ASAP2: variants seen among roughly 807,000 people sequenced by gnomAD.
ASAP2 encodes the protein ArfGAP with SH3 domain, ankyrin repeat and PH domain 2, also known as arf-GAP with SH3 domain, ANK repeat and PH domain-containing protein 2.
Under a neutral mutation model 131.4 loss-of-function variants are expected in ASAP2, and 45 were observed. The ratio of observed to expected loss-of-function variants is 0.34; its 90% confidence interval spans 0.27 to 0.44. The LOEUF (loss-of-function observed/expected upper bound fraction) is 0.44. ASAP2 is among the 20% of genes least tolerant of loss of function. The pLI is 1.00. For synonymous variants in ASAP2, 510 were observed against 503.0 expected (o/e 1.01, Z -0.19); for missense variants, 1,011 against 1,297.0 (o/e 0.78, Z 3.39).
chr2:9,340,619 A>G (rs1671516150), intron 9 of ASAP2, among the ~76,000 whole-genome samples: 1 of 152,242 alleles, frequency 6.6e-6, no homozygotes, highest in African/African-American at 2.4e-5. Context: ...TGGACATCAC[A>G]GCCCTCCTGG....
intron 7 of ASAP2, among the ~76,000 whole-genome samples, chr2:9,329,915 C>T (rs1670718918): frequency 6.6e-6 from 1 of 152,144 alleles, no homozygotes; most frequent in Non-Finnish European, 1.5e-5. Context: ...TTTGGAATTC[C>T]TTTTCTTCCT....
chr2:9,387,754 T>C (rs1018604467), intron 21 of ASAP2, among the ~76,000 whole-genome samples: 1 of 152,236 alleles, frequency 6.6e-6, no homozygotes, highest in African/African-American at 2.4e-5. Context: ...TGTTTACTAG[T>C]CAGTTCTTAC....
chr2:9,300,487 G>GT (rs1668413995), intron 3 of ASAP2, among the ~76,000 whole-genome samples: 1 of 152,264 alleles, frequency 6.6e-6, no homozygotes, highest in Non-Finnish European at 1.5e-5. Context: ...GGCTTTGCCA[G>GT]TTTTTAATAC....
Position 9,320,338 on chromosome 2 carries a change from G to A in ASAP2, c.470+1G>A. 6.2e-7 allele frequency: 1 copy of A among 1,608,342 alleles called. No homozygotes were observed. Among genetic ancestry groups the A allele is most frequent in the Non-Finnish European group, 8.5e-7 (1 of 1,177,732 alleles). On this transcript the variant is annotated splice_donor_variant, in intron 5 of 27. Transcript: ENST00000281419. LOFTEE classifies it high-confidence loss of function. ...CTTGGAAGGACTATGAAACAAAAAT[G>A]TGAGTGTTCTCGTTTTTAAATTTAC... is the stretch of plus-strand genomic sequence containing the variant.
At chr2:9,337,749 C>T (rs543125209) in intron 9 of ASAP2, among the ~76,000 whole-genome samples, 4 of 152,108 alleles carry the variant, frequency 2.6e-5, no homozygotes, top group African/African-American at 7.2e-5. Flanking sequence ...GAGCTTGTGC[C>T]GTTCTGGTCC....
At chr2:9,260,553 T>G (rs988744944) in intron 1 of ASAP2, among the ~76,000 whole-genome samples, 5 of 152,174 alleles carry the variant, frequency 3.3e-5, no homozygotes, top group South Asian at 2.1e-4. Context: ...GCACATGACC[T>G]TGTTTGCATC....
intron 1 of ASAP2, among the ~76,000 whole-genome samples, chr2:9,227,546 A>G (rs1662863799): frequency 6.6e-6 from 1 of 152,208 alleles, no homozygotes; most frequent in South Asian, 2.1e-4. Flanking sequence ...GACAGGGCTC[A>G]TGCACATTTT....
intron 16 of ASAP2, 117 bp from the exon 17 acceptor site, chr2:9,374,638 C>T (rs1168390210): frequency 4.1e-6 from 4 of 983,054 alleles, no homozygotes; most frequent in African/African-American, 1.7e-5. Flanking sequence ...GTTTCGGGGC[C>T]AGCGGTGCTT....
At chr2:9,375,119 A>T (rs1674298885) in intron 17 of ASAP2, among the ~76,000 whole-genome samples, 175 bp downstream of exon 17, 1 of 151,202 alleles carries the variant, frequency 6.6e-6, no homozygotes, top group Non-Finnish European at 1.5e-5. Context: ...AAAAAAAAAA[A>T]AAAAAAAGTA....
chr2:9,237,893 A>G (rs895664890), intron 1 of ASAP2, among the ~76,000 whole-genome samples: 1 of 152,204 alleles, frequency 6.6e-6, no homozygotes, highest in Non-Finnish European at 1.5e-5. Context: ...TTTTGAGAGT[A>G]TGATCTCTGT....
rs1210723378 is a variant in ASAP2, at chr2:9,261,363, T to C, written c.127-17954T>C. On this transcript the variant is annotated intron_variant, in intron 1 of 27. Coordinates refer to ENST00000281419, the MANE Select transcript of ASAP2 (RefSeq NM_003887.3). The stretch of plus-strand genomic sequence containing the variant: ...CATCGGTTCAAAGCCAAACACATGA[T>C]TTTGGACAAGTCACTTAAACTCTTT... Among the ~76,000 whole-genome samples, 4 of 151,448 alleles carry C rather than the reference T, an allele frequency of 2.6e-5. No homozygotes were observed. The East Asian group carries it at 7.8e-4, about 30-fold the overall frequency.
rs1045006619 is a variant in ASAP2 at position 9,344,555 on chromosome 2, A to G, written c.873A>G (p.Thr291=). Residue 291 remains threonine, a synonymous_variant, in exon 10 of 28, where the codon ACA becomes ACG. Transcript: ENST00000281419. ...QKEDSQIRQS[T]AYSLHQPQGN... ...AGGACTCCCAAATTCGTCAGAGCAC[A>G]GCTTATAGCTTACATCAGCCTCAGG... 5 of 1,614,016 alleles carry G rather than the reference A, an allele frequency of 3.1e-6. No homozygotes were observed. In the African/African-American group the frequency reaches 5.3e-5, roughly 17 times the overall value.
chr2:9,208,770 G>C (rs1173090331), intron 1 of ASAP2, among the ~76,000 whole-genome samples: 4 of 152,126 alleles, frequency 2.6e-5, no homozygotes, highest in African/African-American at 9.7e-5. Context: ...TAAAAAGCAC[G>C]GTGTTTTGAG....
intron 1 of ASAP2, among the ~76,000 whole-genome samples, chr2:9,228,023 C>T (rs567182372): frequency 2.0e-5 from 3 of 152,168 alleles, no homozygotes; most frequent in East Asian, 1.9e-4. Context: ...ATAATAGCAG[C>T]GAGATCGGAG....
At chr2:9,218,804 C>T (rs966079818) in intron 1 of ASAP2, among the ~76,000 whole-genome samples, 8 of 152,244 alleles carry the variant, frequency 5.3e-5, no homozygotes, top group South Asian at 4.2e-4. Flanking sequence ...TTTTGGCTGT[C>T]GTCTCTGTTT....
At chr2:9,323,821 A>G (rs113376723) in intron 6 of ASAP2, among the ~76,000 whole-genome samples, 4,787 of 152,272 alleles carry the variant, frequency 0.031, 196 homozygotes, top group African/African-American at 0.099. Flanking sequence ...CCCTTCCCTT[A>G]GTGAGGCGGA....
chr2:9,390,036 T>C (rs1675600221), intron 22 of ASAP2, among the ~76,000 whole-genome samples: 1 of 152,206 alleles, frequency 6.6e-6, no homozygotes, highest in Admixed American at 6.5e-5. Context: ...AGGAAAGATT[T>C]TATTTTGTTC....
At chr2:9,215,990 T>C (rs1661995272) in intron 1 of ASAP2, among the ~76,000 whole-genome samples, 1 of 152,150 alleles carries the variant, frequency 6.6e-6, no homozygotes, top group Non-Finnish European at 1.5e-5. Flanking sequence ...GAGCTGCACA[T>C]TGGACCTTCT....
At chr2:9,221,649 T>C (rs1662427201) in intron 1 of ASAP2, among the ~76,000 whole-genome samples, 1 of 152,244 alleles carries the variant, frequency 6.6e-6, no homozygotes. Flanking sequence ...ATTGATCTTA[T>C]GGCCTACAAT....
Sources: allele counts gnomAD v4.1 joint callset (sites outside exome capture counted in the v4.1 genomes callset), GRCh38; gene constraint gnomAD v4.1.1; transcripts MANE v1.5; gene names NCBI Gene and HGNC (gene_info 2026-07-23, HGNC 2026-07-21).